Variants in ATP11B observed in about 807,000 individuals in gnomAD.
ATP11B encodes ATPase phospholipid transporting 11B (putative), also known as phospholipid-transporting ATPase IF.
In ATP11B, 81 loss-of-function variants were observed where a neutral mutation model predicts 157.8. That is an observed-to-expected ratio of 0.51 (90% CI 0.43 to 0.62). The LOEUF is 0.62. ATP11B is among the 20% of genes least tolerant of loss of function. ATP11B has a pLI of 0.00. For synonymous variants in ATP11B, 451 were observed against 469.4 expected (o/e 0.96, Z 0.51); for missense variants, 1,165 against 1,402.2 (o/e 0.83, Z 2.70).
chr3:182,860,503 G>T (rs1461272951), intron 12 of ATP11B, among the ~76,000 whole-genome samples: 1 of 151,968 alleles, frequency 6.6e-6, no homozygotes, highest in Non-Finnish European at 1.5e-5. Context: ...TGTTTCATGG[G>T]CAATTAACTC....
chr3:182,914,150 A>G (rs762308960), intron 29 of ATP11B, 156 bp downstream of exon 29: 5 of 1,448,982 alleles, frequency 3.5e-6, no homozygotes, highest in Non-Finnish European at 4.5e-6. Flanking sequence ...GGTAGATTTC[A>G]CTTTGTGGCT....
chr3:182,848,013 A>G (rs375594338), intron 9 of ATP11B, among the ~76,000 whole-genome samples: 1 of 152,168 alleles, frequency 6.6e-6, no homozygotes, highest in East Asian at 1.9e-4. Flanking sequence ...CTTCCATGTT[A>G]TCTCTCCAAT....
chr3:182,829,288 C>A (rs777346467), intron 3 of ATP11B, among the ~76,000 whole-genome samples: 1 of 152,186 alleles, frequency 6.6e-6, no homozygotes, highest in Non-Finnish European at 1.5e-5. Context: ...GAAAAAAATT[C>A]TTTCCATAGT....
At chr3:182,800,594 T>G (rs1171743337) in intron 1 of ATP11B, among the ~76,000 whole-genome samples, 2 of 152,110 alleles carry the variant, frequency 1.3e-5, no homozygotes, top group East Asian at 1.9e-4. Flanking sequence ...ACCTGTATTG[T>G]GAATGACATG....
intron 7 of ATP11B, among the ~76,000 whole-genome samples, chr3:182,839,019 A>G (rs751830436): frequency 3.9e-5 from 6 of 152,188 alleles, no homozygotes; most frequent in African/African-American, 4.8e-5. Flanking sequence ...TAGCAAAGAC[A>G]TGGAATCAAC....
intron 28 of ATP11B, chr3:182,902,380 G>A (rs1458033406): frequency 3.9e-6 from 2 of 507,000 alleles, no homozygotes; most frequent in East Asian, 1.5e-4. Context: ...CCTCGTGTAG[G>A]AACAGATGTA....
chr3:182,888,223 T>C (rs1374033858), intron 24 of ATP11B, among the ~76,000 whole-genome samples: 1 of 152,208 alleles, frequency 6.6e-6, no homozygotes, highest in Non-Finnish European at 1.5e-5. Flanking sequence ...CATAAGCTCT[T>C]ATAGAGATAG....
chr3:182,804,584 T>C (rs1208054125), intron 1 of ATP11B, among the ~76,000 whole-genome samples: 2 of 152,220 alleles, frequency 1.3e-5, no homozygotes, highest in East Asian at 3.8e-4. Context: ...TGCGTTACAG[T>C]TGCATAGTAG....
chr3:182,817,329 G>A (rs1251520326), intron 1 of ATP11B, among the ~76,000 whole-genome samples: 2 of 151,494 alleles, frequency 1.3e-5, no homozygotes, highest in African/African-American at 4.9e-5. Context: ...TTGCCAGGCT[G>A]GAGTGCAGTG....
rs533158168 is a variant in ATP11B at position 182,907,148 on chromosome 3, C to T, written c.3319-6713C>T. On this transcript the variant is annotated intron_variant, in intron 28 of 29. Transcript: ENST00000323116. Reference sequence around the variant, plus strand: ...TGATGAGAGCTTGATTTTCTCTTCTCTCGAGGAATAACCCTGACAACCATT... The same window carrying T: ...TGATGAGAGCTTGATTTTCTCTTCTTTCGAGGAATAACCCTGACAACCATT... Among the ~76,000 whole-genome samples the T allele has an allele frequency of 2.0e-5, 3 of 151,974 alleles. No homozygotes were observed. In the South Asian group the frequency reaches 6.2e-4, roughly 32 times the overall value.
intron 1 of ATP11B, among the ~76,000 whole-genome samples, chr3:182,798,430 AT>A (rs199843882): frequency 3.3e-5 from 5 of 152,064 alleles, no homozygotes; most frequent in African/African-American, 7.2e-5. Context: ...CTAGGGTGGT[AT>A]TTTTTTTGTG....
At chr3:182,804,376 G>A (rs1252885311) in intron 1 of ATP11B, among the ~76,000 whole-genome samples, 1 of 151,766 alleles carries the variant, frequency 6.6e-6, no homozygotes, top group African/African-American at 2.4e-5. Context: ...CTCCCGAGTA[G>A]CTGGGACTAC....
intron 21 of ATP11B, among the ~76,000 whole-genome samples, chr3:182,884,308 G>T (rs1241077177): frequency 6.6e-6 from 1 of 151,668 alleles, no homozygotes; most frequent in Non-Finnish European, 1.5e-5. Context: ...CTTATTCATG[G>T]AAGTGTTAAG....
chr3:182,867,586 T>TTG, intron 15 of ATP11B, 142 bp downstream of exon 15: 1 of 491,128 alleles, frequency 2.0e-6, no homozygotes. Context: ...TTACTTTTTT[T>TTG]TTTTTTTTTT....
chr3:182,872,259 G>A (rs1560103406), intron 17 of ATP11B, 97 bp from the exon 18 acceptor site: 2 of 799,366 alleles, frequency 2.5e-6, no homozygotes, highest in South Asian at 4.1e-5. Context: ...TTGACTTTTG[G>A]TACTAGGTCT....
chr3:182,916,238 A>G, intron 29 of ATP11B: 2 of 985,294 alleles, frequency 2.0e-6, no homozygotes, highest in Non-Finnish European at 2.4e-6. Flanking sequence ...AGTAGCATCT[A>G]TTCTATGTTT....
chr3:182,842,778 G>T (rs981457769), intron 8 of ATP11B, among the ~76,000 whole-genome samples: 2 of 152,178 alleles, frequency 1.3e-5, no homozygotes, highest in Non-Finnish European at 2.9e-5. Context: ...GAAAACTAAT[G>T]TATGTATCAT....
chr3:182,918,482 G>T lies in ATP11B; in HGVS notation c.*378G>T. 1 of 397,656 alleles carries T rather than the reference G, an allele frequency of 2.5e-6. No individual in the cohort carries two copies. The highest frequency in any genetic ancestry group is 1.3e-4 in the South Asian group (1 of 7,708). 24.6% of individuals were successfully genotyped at this position (397,656 alleles called of 1,614,324 possible). ...ATTTTTTAGTATTAGCTTGATTATTGACTCTTCTATTTAAATCTGCTTCTG... is the reference window on the plus strand; with the variant it reads ...ATTTTTTAGTATTAGCTTGATTATTTACTCTTCTATTTAAATCTGCTTCTG... On this transcript the variant is annotated 3_prime_UTR_variant, in exon 30 of 30. Transcript: ENST00000323116.
intron 29 of ATP11B, chr3:182,916,040 T>C (rs1217123684): frequency 1.0e-6 from 1 of 985,160 alleles, no homozygotes; most frequent in Non-Finnish European, 1.2e-6. Context: ...GTTCATTCTT[T>C]TCTAGGGGAT....
Sources: allele counts gnomAD v4.1 joint callset (sites outside exome capture counted in the v4.1 genomes callset), GRCh38; gene constraint gnomAD v4.1.1; transcripts MANE v1.5; gene names NCBI Gene and HGNC (gene_info 2026-07-23, HGNC 2026-07-21).